CDC20B: variants seen among roughly 807,000 people sequenced by gnomAD.
CDC20B encodes cell division cycle protein 20 homolog B.
CDC20B carries 58 observed loss-of-function variants against 64.1 expected under a neutral mutation model. That is an observed-to-expected ratio of 0.90 (90% CI 0.73 to 1.13). The LOEUF (loss-of-function observed/expected upper bound fraction) is 1.13. Among genes scored for constraint, CDC20B ranks in the 50% most tolerant of loss-of-function variants. The pLI is 0.00. For missense variants in CDC20B, 597 were observed against 633.0 expected, an observed-to-expected ratio of 0.94 and a Z score of 0.61; for synonymous variants, 243 against 230.6, an observed-to-expected ratio of 1.05 and a Z score of -0.49.
intron 3 of CDC20B, 124 bp from the exon 4 acceptor site, chr5:55,143,767 C>A: frequency 1.1e-6 from 1 of 906,182 alleles, no homozygotes; most frequent in Non-Finnish European, 1.6e-6. Context: ...CTCGTCACTC[C>A]AAAGTCCATT....
At chr5:55,143,734 G>C in intron 3 of CDC20B, 91 bp from the exon 4 acceptor site, 3 of 1,307,216 alleles carry the variant, frequency 2.3e-6, no homozygotes, top group Non-Finnish European at 3.2e-6. Context: ...TTCACAGAAG[G>C]ACAGAGTGAA....
chr5:55,144,947 A>G (rs528604010), intron 3 of CDC20B, among the ~76,000 whole-genome samples: 95 of 152,356 alleles, frequency 6.2e-4, no homozygotes, highest in African/African-American at 2.1e-3. Context: ...AGAAACCAGT[A>G]GATCTGATTA....
At chr5:55,117,024 C>T (rs1742640233) in intron 11 of CDC20B, among the ~76,000 whole-genome samples, 1 of 152,138 alleles carries the variant, frequency 6.6e-6, no homozygotes, top group Admixed American at 6.5e-5. Context: ...AATACAGACA[C>T]TGAAAGCATG....
chr5:55,160,194 T>G, intron 2 of CDC20B: 5 of 1,613,170 alleles, frequency 3.1e-6, no homozygotes, highest in South Asian at 1.1e-5. Flanking sequence ...TCCTCCAACA[T>G]GGAGCCTCTT....
At chr5:55,157,323 G>A (rs913734876) in intron 2 of CDC20B, among the ~76,000 whole-genome samples, 81 of 152,230 alleles carry the variant, frequency 5.3e-4, no homozygotes, top group African/African-American at 1.9e-3. Flanking sequence ...CAAAATGTGT[G>A]CAGAGAAAGA....
intron 7 of CDC20B, among the ~76,000 whole-genome samples, chr5:55,128,109 C>T (rs1446740947): frequency 2.6e-5 from 4 of 152,062 alleles, no homozygotes; most frequent in Non-Finnish European, 5.9e-5. Flanking sequence ...AAAAGGAGAA[C>T]TGAAAGTATC....
chr5:55,152,746 C>G (rs940970112), intron 2 of CDC20B, among the ~76,000 whole-genome samples: 1 of 152,184 alleles, frequency 6.6e-6, no homozygotes, highest in Non-Finnish European at 1.5e-5. Flanking sequence ...TTCTCTCCTG[C>G]TATATCATAC....
chr5:55,116,063 G>C (rs1256235972), intron 11 of CDC20B, among the ~76,000 whole-genome samples: 1 of 152,122 alleles, frequency 6.6e-6, no homozygotes, highest in Admixed American at 6.5e-5. Context: ...TATTGCCCAA[G>C]GTCACACAGC....
At chr5:55,164,970 A>G (rs1744304104) in intron 2 of CDC20B, 1 of 152,250 alleles carries the variant, frequency 6.6e-6, no homozygotes, top group East Asian at 1.9e-4. Flanking sequence ...TTCTGTAATC[A>G]TAATATTACC....
intron 3 of CDC20B, 97 bp from the exon 4 acceptor site, chr5:55,143,740 G>A (rs1743395688): frequency 1.6e-6 from 2 of 1,237,346 alleles, no homozygotes; most frequent in South Asian, 3.1e-5. Context: ...GAAGGACAGA[G>A]TGAAAAAGCC....
chr5:55,162,427 C>G (rs978945220), intron 2 of CDC20B, among the ~76,000 whole-genome samples: 3 of 152,158 alleles, frequency 2.0e-5, no homozygotes, highest in African/African-American at 7.2e-5. Flanking sequence ...AGCTAATGTT[C>G]TCTCATCTAA....
At position 55,172,578 on chromosome 5, in the gene CDC20B, C is replaced by T; in HGVS notation, c.126+10G>A. ...TTAAAACAGAGAACAAGAACAAGCC[C>T]TGGACTCACGTTGGCGGAATCTTGA... On this transcript the variant is annotated intron_variant, in intron 2 of 11. Coordinates refer to ENST00000381375, the MANE Select transcript of CDC20B (RefSeq NM_001170402.1). 1 of 1,604,480 alleles carries T rather than the reference C, an allele frequency of 6.2e-7. No individual in the cohort carries two copies. Among genetic ancestry groups the T allele is most frequent in the South Asian group, 1.1e-5 (1 of 90,850 alleles).
intron 4 of CDC20B, among the ~76,000 whole-genome samples, chr5:55,142,048 C>T (rs561563817): frequency 6.6e-6 from 1 of 152,260 alleles, no homozygotes; most frequent in Admixed American, 6.5e-5. Context: ...CTTTAGAATC[C>T]CACAGTTACC....
At chr5:55,135,192 A>T (rs1743128515) in intron 5 of CDC20B, among the ~76,000 whole-genome samples, 1 of 152,070 alleles carries the variant, frequency 6.6e-6, no homozygotes, top group Admixed American at 6.6e-5. Flanking sequence ...CTGTGAACCT[A>T]AAACAAATCT....
At chr5:55,128,947 A>G (rs1209746013) in intron 6 of CDC20B, among the ~76,000 whole-genome samples, 2 of 152,198 alleles carry the variant, frequency 1.3e-5, no homozygotes, top group Non-Finnish European at 2.9e-5. Flanking sequence ...TTAAAAGCAT[A>G]TAATTCTTAT....
intron 8 of CDC20B, among the ~76,000 whole-genome samples, chr5:55,125,344 C>A (rs903888): frequency 1.3e-5 from 2 of 152,062 alleles, no homozygotes; most frequent in African/African-American, 4.8e-5. Context: ...TTCCCAAAGA[C>A]TAGTTTATAT....
intron 2 of CDC20B, among the ~76,000 whole-genome samples, chr5:55,161,627 G>C (rs1012178985): frequency 1.3e-5 from 2 of 152,180 alleles, no homozygotes; most frequent in Non-Finnish European, 1.5e-5. Context: ...CTCATGAATA[G>C]TGCTGGGCAT....
At chr5:55,160,007 T>C (rs1226999772) in intron 2 of CDC20B, 2 of 564,386 alleles carry the variant, frequency 3.5e-6, no homozygotes, top group Admixed American at 6.6e-5. Context: ...TTTGAAATTC[T>C]GTAGAGCTCC....
intron 6 of CDC20B, among the ~76,000 whole-genome samples, chr5:55,130,609 C>T (rs941916920): frequency 2.0e-5 from 3 of 152,106 alleles, no homozygotes; most frequent in African/African-American, 7.2e-5. Context: ...GAAGTCTGTG[C>T]CAACTGACCT....
Sources: gnomAD v4.1 joint callset for allele counts (sites outside exome capture counted in the v4.1 genomes callset) on GRCh38, gnomAD v4.1.1 for gene constraint, MANE v1.5 for transcripts, NCBI Gene and HGNC (gene_info 2026-07-23, HGNC 2026-07-21) for gene names.